Variants in CSMD1 observed in about 807,000 individuals in gnomAD.
CSMD1 encodes the protein CUB and sushi domain-containing protein 1.
In CSMD1, 213 loss-of-function variants were observed where a neutral mutation model predicts 417.5. The ratio of observed to expected loss-of-function variants is 0.51; its 90% CI spans 0.46 to 0.57. The LOEUF (loss-of-function observed/expected upper bound fraction) is 0.57, where lower values mean the gene tolerates loss of function less well. Among genes scored for constraint, CSMD1 ranks in the 20% least tolerant of loss-of-function variants. CSMD1 has a pLI of 0.00. For synonymous variants in CSMD1, 2,862 were observed against 1,736.8 expected (o/e 1.65, Z -16.11); for missense variants, 6,923 against 4,529.7 (o/e 1.53, Z -15.17).
intron 1 of CSMD1, among the ~76,000 whole-genome samples, chr8:4,962,054 C>G (rs1182213388): frequency 6.6e-6 from 1 of 151,206 alleles, no homozygotes; most frequent in Non-Finnish European, 1.5e-5. Flanking sequence ...TTTTGATTTA[C>G]TCCATTATAT....
At chr8:4,596,798 C>G (rs887931653) in intron 2 of CSMD1, among the ~76,000 whole-genome samples, 2 of 152,204 alleles carry the variant, frequency 1.3e-5, no homozygotes, top group Non-Finnish European at 2.9e-5. Flanking sequence ...TGAATTCTAT[C>G]TACCAGAATA....
At chr8:4,095,725 G>C (rs986118820) in intron 3 of CSMD1, among the ~76,000 whole-genome samples, 1 of 152,172 alleles carries the variant, frequency 6.6e-6, no homozygotes, top group South Asian at 2.1e-4. Context: ...ACTTCAATTT[G>C]TTCAAGTCAC....
At chr8:4,035,698 G>C (rs372073886) in intron 3 of CSMD1, among the ~76,000 whole-genome samples, 2 of 152,262 alleles carry the variant, frequency 1.3e-5, no homozygotes, top group African/African-American at 4.8e-5. Flanking sequence ...CAAGGTTTAT[G>C]TTTTCAGTTA....
intron 55 of CSMD1, among the ~76,000 whole-genome samples, chr8:2,976,907 A>G (rs1804976009): frequency 6.6e-6 from 1 of 152,088 alleles, no homozygotes; most frequent in Non-Finnish European, 1.5e-5. Context: ...AAATACACTG[A>G]CAATAAAGCT....
chr8:4,288,500 C>T (rs985558213), intron 3 of CSMD1, among the ~76,000 whole-genome samples: 22 of 152,204 alleles, frequency 1.4e-4, no homozygotes, highest in Non-Finnish European at 2.5e-4. Flanking sequence ...CCCACTCTGC[C>T]TTTAGGTTTA....
chr8:3,738,783 G>C (rs1415902387), intron 6 of CSMD1, among the ~76,000 whole-genome samples: 1 of 152,140 alleles, frequency 6.6e-6, no homozygotes, highest in African/African-American at 2.4e-5. Context: ...TCCGTCAACT[G>C]GGTGCACTAT....
At chr8:3,107,265 C>T (rs977519844) in intron 45 of CSMD1, 1 of 156,878 alleles carries the variant, frequency 6.4e-6, no homozygotes, top group Non-Finnish European at 1.4e-5. Context: ...AATATCATCA[C>T]TAAATATTTT....
At chr8:4,138,117 G>A (rs139457643) in intron 3 of CSMD1, among the ~76,000 whole-genome samples, 4,652 of 69,036 alleles carry the variant, frequency 0.067, 1,263 homozygotes, top group Non-Finnish European at 0.11. Context: ...CGGTTTCACC[G>A]TGTTACCCAG....
In CSMD1 at chr8:4,168,998, T is replaced by C. The variant is rs183126384; in HGVS notation, c.416-136899A>G. Among the ~76,000 whole-genome samples the C allele has an allele frequency of 1.1e-3, 166 of 152,238 alleles. 2 individuals carry two copies. Among genetic ancestry groups the C allele is most frequent in the African/African-American group, 3.9e-3 (160 of 41,506 alleles). The stretch of plus-strand genomic sequence containing the variant: ...CGTTCTCCTCATTTTCCTACTATCT[T>C]ATCAGCCGCTTACTCTTACTCTGTT... On this transcript the variant is annotated intron_variant, in intron 3 of 69. Transcript: ENST00000635120.
intron 49 of CSMD1, among the ~76,000 whole-genome samples, chr8:3,068,808 A>T (rs1413496210): frequency 6.6e-6 from 1 of 152,142 alleles, no homozygotes; most frequent in Non-Finnish European, 1.5e-5. Context: ...TGATCCAAAC[A>T]TCTCCCACCA....
At position 3,237,802 on chromosome 8, in the gene CSMD1, TTTATAATTA is replaced by T. The variant is rs1470318975; in HGVS notation, c.4154-7580_4154-7572del. On this transcript the variant is annotated intron_variant, in intron 26 of 69. Transcript: ENST00000635120. ...TTATACTTATACTACAAGTATAATTTTTATAATTATACTTATACTACAAGTATAATTTTT... is the reference window on the plus strand; with the variant it reads ...TTATACTTATACTACAAGTATAATTTTACTTATACTACAAGTATAATTTTT... 5.3e-4 allele frequency among the ~76,000 whole-genome samples: 69 copies of T among 129,382 alleles called. 1 individual carries two copies. The highest frequency in any genetic ancestry group is 7.2e-4 in the Non-Finnish European group (45 of 62,414). The allele number at this position is 129,382 out of a possible 152,430, so 84.9% of individuals were successfully genotyped here.
chr8:4,127,963 G>C (rs1037023060), intron 3 of CSMD1, among the ~76,000 whole-genome samples: 2 of 152,162 alleles, frequency 1.3e-5, no homozygotes, highest in African/African-American at 4.8e-5. Context: ...AAAGCCTTGT[G>C]ATATTGGTAA....
intron 3 of CSMD1, among the ~76,000 whole-genome samples, chr8:4,399,544 C>T (rs930716170): frequency 6.6e-6 from 1 of 152,060 alleles, no homozygotes; most frequent in Non-Finnish European, 1.5e-5. Flanking sequence ...GAATCCTGGC[C>T]ACCTAACTGG....
intron 5 of CSMD1, among the ~76,000 whole-genome samples, chr8:3,788,024 G>C (rs1418816561): frequency 6.6e-6 from 1 of 152,150 alleles, no homozygotes; most frequent in Non-Finnish European, 1.5e-5. Context: ...AGGTGTCTTT[G>C]GCTAGAGTCT....
At chr8:3,619,489 G>C (rs1302541123) in intron 7 of CSMD1, among the ~76,000 whole-genome samples, 2 of 151,990 alleles carry the variant, frequency 1.3e-5, no homozygotes, top group Non-Finnish European at 1.5e-5. Context: ...ATATGCATCA[G>C]ACTTGCTAGA....
chr8:4,307,225 G>C (rs932109829), intron 3 of CSMD1, among the ~76,000 whole-genome samples: 1 of 152,066 alleles, frequency 6.6e-6, no homozygotes, highest in Non-Finnish European at 1.5e-5. Flanking sequence ...TTATAATACA[G>C]CTCATTTGTG....
intron 12 of CSMD1, among the ~76,000 whole-genome samples, chr8:3,416,902 C>G (rs1297041538): frequency 6.6e-6 from 1 of 152,198 alleles, no homozygotes; most frequent in Non-Finnish European, 1.5e-5. Flanking sequence ...TATAAAACCG[C>G]TCAATGAATA....
intron 3 of CSMD1, among the ~76,000 whole-genome samples, chr8:4,339,792 G>T (rs534341151): frequency 2.0e-5 from 3 of 152,206 alleles, no homozygotes; most frequent in African/African-American, 7.2e-5. Flanking sequence ...GGGAGAATGA[G>T]GTGGGAGAAC....
chr8:3,810,027 G>T (rs866633808), intron 5 of CSMD1, among the ~76,000 whole-genome samples: 1 of 152,114 alleles, frequency 6.6e-6, no homozygotes. Flanking sequence ...ATTAATTGCT[G>T]CCATGTCTGT....
Sources: gnomAD v4.1 joint callset for allele counts (sites outside exome capture counted in the v4.1 genomes callset) on GRCh38, gnomAD v4.1.1 for gene constraint, MANE v1.5 for transcripts, NCBI Gene and HGNC (gene_info 2026-07-23, HGNC 2026-07-21) for gene names.